Variants in SETBP1 observed in about 807,000 individuals in gnomAD.
The protein encoded by SETBP1 is SET binding protein 1.
SETBP1 carries 9 observed loss-of-function variants against 101.0 expected under a neutral mutation model. That is an observed-to-expected ratio of 0.09 (90% confidence interval 0.05 to 0.16). The LOEUF (loss-of-function observed/expected upper bound fraction) is 0.16, where lower values mean the gene tolerates loss of function less well. SETBP1 is among the 10% of genes least tolerant of loss of function. The pLI is 1.00. For synonymous variants in SETBP1, 818 were observed against 788.5 expected (o/e 1.04, Z -0.63); for missense variants, 1,858 against 2,033.8 (o/e 0.91, Z 1.66).
intron 4 of SETBP1, among the ~76,000 whole-genome samples, chr18:44,980,036 G>A (rs1350979934): frequency 6.6e-6 from 1 of 152,220 alleles, no homozygotes; most frequent in Admixed American, 6.5e-5. Flanking sequence ...GTCGTGGTTA[G>A]AGCAGTGACC....
intron 2 of SETBP1, among the ~76,000 whole-genome samples, chr18:44,743,792 G>C (rs2070154061): frequency 6.6e-6 from 1 of 152,088 alleles, no homozygotes. Context: ...GCCCAACATA[G>C]CCACACCTCA....
In SETBP1 at chr18:44,811,017, G is replaced by A. The variant is rs185187760; in HGVS notation, c.487-58213G>A. Among the ~76,000 whole-genome samples, 50 of 152,286 alleles carry A rather than the reference G, an allele frequency of 3.3e-4. No individual in the cohort carries two copies. In the East Asian group the frequency reaches 8.7e-3, roughly 26 times the overall value. ...CTTTCCTCATTTTCCAGATTAGAAT[G>A]CTGAAACTCCAAGAGGGGAGGTGCT... On this transcript the variant is annotated intron_variant, in intron 2 of 5. Coordinates refer to ENST00000649279, the MANE Select transcript of SETBP1 (RefSeq NM_015559.3).
chr18:44,875,263 G>C (rs2069371161), intron 3 of SETBP1, among the ~76,000 whole-genome samples: 5 of 152,112 alleles, frequency 3.3e-5, no homozygotes, highest in Admixed American at 2.0e-4. Flanking sequence ...GCTCTTGACT[G>C]TAATACCAAC....
chr18:44,835,518 G>T lies in SETBP1; in HGVS notation c.487-33712G>T, dbSNP rs140133538. 2.9e-3 allele frequency among the ~76,000 whole-genome samples: 442 copies of T among 152,084 alleles called. 2 individuals are homozygous for T. Among genetic ancestry groups the T allele is most frequent in the South Asian group, 2.3e-3 (11 of 4,822 alleles). ...CAGGACTCCAACTAATACTTTTTTT[G>T]TCCCATGAATAGTTCTAAAAAAGAA... On this transcript the variant is annotated intron_variant, in intron 2 of 5. Transcript: ENST00000649279.
chr18:44,714,487 C>A (rs941563366), intron 2 of SETBP1, among the ~76,000 whole-genome samples: 2 of 152,076 alleles, frequency 1.3e-5, no homozygotes, highest in Non-Finnish European at 2.9e-5. Flanking sequence ...CAGGCGTGAG[C>A]CACCGCACCT....
Position 45,068,017 on chromosome 18 carries a change from A to G in SETBP1, c.*4319A>G, listed in dbSNP as rs2073991521. The G allele has an allele frequency of 6.6e-6, 1 of 152,222 alleles. No homozygotes were observed. Among genetic ancestry groups the G allele is most frequent in the Non-Finnish European group, 1.5e-5 (1 of 68,046 alleles). The allele number at this position is 152,222 out of a possible 1,614,324, so 9.4% of individuals were successfully genotyped here. A position where few individuals can be genotyped will look rare whatever the true frequency, so the allele number is the denominator to read the frequency against. On this transcript the variant is annotated 3_prime_UTR_variant, in exon 6 of 6. Coordinates refer to ENST00000649279, the MANE Select transcript of SETBP1 (RefSeq NM_015559.3). ...CATGATGTGTTAAATATGTACATAT[A>G]TATTTCAAAAGAAAAAATGGGGCAC...
At chr18:45,047,157 A>G (rs1157846176) in intron 5 of SETBP1, among the ~76,000 whole-genome samples, 1 of 152,162 alleles carries the variant, frequency 6.6e-6, no homozygotes, top group Non-Finnish European at 1.5e-5. Flanking sequence ...TATCATTCAC[A>G]CCTCCATTGA....
chr18:45,009,021 A>G (rs1175934663), intron 4 of SETBP1, among the ~76,000 whole-genome samples: 1 of 152,060 alleles, frequency 6.6e-6, no homozygotes, highest in Non-Finnish European at 1.5e-5. Flanking sequence ...TGGGGAGGCA[A>G]TTGCCACCGT....
intron 4 of SETBP1, chr18:44,988,512 A>G (rs958397253): frequency 2.0e-5 from 3 of 152,252 alleles, no homozygotes; most frequent in African/African-American, 7.2e-5. Context: ...TTCAGGTTAG[A>G]AATGTGGGTA....
At chr18:44,707,856 A>T (rs1325810101) in intron 2 of SETBP1, among the ~76,000 whole-genome samples, 1 of 152,138 alleles carries the variant, frequency 6.6e-6, no homozygotes, top group African/African-American at 2.4e-5. Context: ...GTGCTGGGGA[A>T]CTTGCTGAGA....
intron 2 of SETBP1, among the ~76,000 whole-genome samples, chr18:44,849,336 G>A (rs2072798318): frequency 6.6e-6 from 1 of 152,160 alleles, no homozygotes; most frequent in Non-Finnish European, 1.5e-5. Flanking sequence ...TGAACTGGGA[G>A]TTAGAGACTT....
At chr18:44,863,572 T>A (rs1282815206) in intron 2 of SETBP1, among the ~76,000 whole-genome samples, 1 of 152,142 alleles carries the variant, frequency 6.6e-6, no homozygotes, top group African/African-American at 2.4e-5. Flanking sequence ...AAGAAGTGAG[T>A]AACACTTTAC....
intron 4 of SETBP1, among the ~76,000 whole-genome samples, chr18:45,014,282 G>C (rs1244940358): frequency 2.6e-5 from 4 of 152,206 alleles, no homozygotes; most frequent in Admixed American, 6.5e-5. Context: ...AGGCCATCTA[G>C]TTAGGACTGG....
intron 3 of SETBP1, among the ~76,000 whole-genome samples, chr18:44,935,475 G>C (rs1432362387): frequency 3.3e-5 from 5 of 152,110 alleles, no homozygotes; most frequent in Non-Finnish European, 7.3e-5. Context: ...ACCCTCTCCT[G>C]CTTCTGCCTG....
intron 2 of SETBP1, among the ~76,000 whole-genome samples, chr18:44,812,772 G>A (rs139766465): frequency 3.2e-4 from 49 of 152,224 alleles, no homozygotes; most frequent in Middle Eastern, 3.4e-3. Context: ...TATGTAAGCT[G>A]GAAAAGGATA....
intron 2 of SETBP1, among the ~76,000 whole-genome samples, chr18:44,767,636 T>C (rs1465404844): frequency 1.3e-5 from 2 of 152,210 alleles, no homozygotes; most frequent in African/African-American, 2.4e-5. Context: ...AGCTTCATGT[T>C]TGTGATTAGG....
chr18:44,972,023 G>C (rs1467605282), intron 4 of SETBP1, among the ~76,000 whole-genome samples: 1 of 152,212 alleles, frequency 6.6e-6, no homozygotes, highest in Non-Finnish European at 1.5e-5. Context: ...TAACATTTAA[G>C]TCTTTATGCA....
In SETBP1 at chr18:44,951,968, C is replaced by T; in HGVS notation, c.2628C>T (p.Asn876=). 6.2e-7 allele frequency: 1 copy of T among 1,614,068 alleles called. No individual in the cohort carries two copies. The highest frequency in any genetic ancestry group is 8.5e-7 in the Non-Finnish European group (1 of 1,180,028). The change falls in exon 4 of 6, where the codon AAC becomes AAT. Residue 876 remains asparagine (N), a synonymous_variant. Transcript: ENST00000649279. This position sits in a 1 kb window ranked among gnomAD's most constrained non-coding sequence, Gnocchi z 7.8. ...PSDSGIGTDN[N]STSDQAEKSS... The stretch of plus-strand genomic sequence containing the variant: ...ACAGCGGCATTGGGACAGACAACAA[C>T]AGCACTTCTGACCAAGCGGAGAAGA...
intron 5 of SETBP1, among the ~76,000 whole-genome samples, chr18:45,061,698 G>C (rs1051361711): frequency 6.6e-6 from 1 of 152,214 alleles, no homozygotes; most frequent in African/African-American, 2.4e-5. Context: ...AAAGAATCAA[G>C]TGGGAGTACC....
Sources: gnomAD v4.1 joint callset for allele counts (sites outside exome capture counted in the v4.1 genomes callset) on GRCh38, gnomAD v4.1.1 for gene constraint, Gnocchi (gnomAD v3.1) non-coding constraint, MANE v1.5 for transcripts, NCBI Gene and HGNC (gene_info 2026-07-23, HGNC 2026-07-21) for gene names.